Variants in BRIP1 observed in about 807,000 individuals in gnomAD.
BRIP1 encodes the protein Fanconi anemia group J protein.
BRIP1 carries 88 observed loss-of-function variants against 119.7 expected under a neutral mutation model. The observed-to-expected ratio is 0.74, with a 90% CI of 0.62 to 0.88. The LOEUF (loss-of-function observed/expected upper bound fraction) is 0.88, where lower values mean the gene tolerates loss of function less well. Among genes scored for constraint, BRIP1 ranks in the 40% least tolerant of loss-of-function variants. The pLI is 0.00. For missense variants in BRIP1, 1,259 were observed against 1,455.4 expected (o/e 0.87, Z 2.20); for synonymous variants, 443 against 496.5 (o/e 0.89, Z 1.43).
At chr17:61,786,323 A>C (rs2077706569) in intron 10 of BRIP1, among the ~76,000 whole-genome samples, 1 of 151,988 alleles carries the variant, frequency 6.6e-6, no homozygotes, top group African/African-American at 2.4e-5. Context: ...AACTCCAAAG[A>C]AGCAGAACCC....
In BRIP1 at chr17:61,743,229, T is replaced by A. The variant is rs1256816641; in HGVS notation, c.2258-95A>T. The A allele has an allele frequency of 7.1e-7, 1 of 1,406,112 alleles. No individual in the cohort carries two copies. Among genetic ancestry groups the A allele is most frequent in the Non-Finnish European group, 9.9e-7 (1 of 1,007,726 alleles). 87.1% of individuals were successfully genotyped at this position (1,406,112 alleles called of 1,614,324 possible). A position where few individuals can be genotyped will look rare whatever the true frequency, so the allele number is the denominator to read the frequency against. ...TGATTTATAATTATAGTAATTACAG[T>A]AGCAAATTTAAAATAATCAAAATAA... On this transcript the variant is annotated intron_variant, in intron 15 of 19. Coordinates refer to ENST00000259008, the MANE Select transcript of BRIP1 (RefSeq NM_032043.3). The surrounding 1 kb of genome is among the most constrained non-coding windows in gnomAD (Gnocchi z 4.3).
chr17:61,791,223 TCA>T (rs2077810841), intron 10 of BRIP1, among the ~76,000 whole-genome samples: 1 of 152,000 alleles, frequency 6.6e-6, no homozygotes, highest in African/African-American at 2.4e-5. Context: ...GCACGGTGAC[TCA>T]CACCTGTGAG....
rs779629295 is a variant in BRIP1, at chr17:61,857,225, G to A, written c.212C>T (p.Pro71Leu). 4.3e-6 allele frequency: 7 copies of A among 1,612,732 alleles called. No individual in the cohort carries two copies. In the South Asian group the frequency reaches 7.7e-5, roughly 18 times the overall value. ...LAWQQSLSGK[P>L]ADEGVSEKAE... The stretch of plus-strand genomic sequence containing the variant: ...TTTTTCACTTACGCCCTCATCTGCT[G>A]GTTTCCCTAAAAATGAAAGAACATC... The change falls in exon 4 of 20, where the codon CCA becomes CTA. Residue 71 changes from proline to leucine, a missense_variant. By Grantham distance (98) the Pro-to-Leu change is moderately conservative. Transcript: ENST00000259008. The surrounding 1 kb of genome is among the most constrained non-coding windows in gnomAD (Gnocchi z 5.1).
rs1036540316 is a variant in BRIP1 at position 61,725,026 on chromosome 17, T to C, written c.2380-8963A>G. On this transcript the variant is annotated intron_variant, in intron 16 of 19. Transcript: ENST00000259008. This position sits in a 1 kb window ranked among gnomAD's most constrained non-coding sequence, Gnocchi z 5.3. Reference sequence around the variant, plus strand: ...TTAGAATTATAAACTCAGCATAAGATCTTGTATGTGATATAATTTAGCTAG... The same window carrying C: ...TTAGAATTATAAACTCAGCATAAGACCTTGTATGTGATATAATTTAGCTAG... Among the ~76,000 whole-genome samples the C allele has an allele frequency of 6.6e-6, 1 of 152,130 alleles. No homozygotes were observed. Among genetic ancestry groups the C allele is most frequent in the Non-Finnish European group, 1.5e-5 (1 of 68,012 alleles).
rs2078514089 is a variant in BRIP1, at chr17:61,832,884, A to C, written c.627+14217T>G. ...ATGTATAAGAATGTCTTTGCTTATA[A>C]GACATAGACACTAAAGTATTTCAGG... On this transcript the variant is annotated intron_variant, in intron 6 of 19. Coordinates refer to ENST00000259008, the MANE Select transcript of BRIP1 (RefSeq NM_032043.3). This position sits in a 1 kb window ranked among gnomAD's most constrained non-coding sequence, Gnocchi z 5.5. Among the ~76,000 whole-genome samples, 1 of 152,262 alleles carries C rather than the reference A, an allele frequency of 6.6e-6. No individual in the cohort carries two copies. Among genetic ancestry groups the C allele is most frequent in the Non-Finnish European group, 1.5e-5 (1 of 68,046 alleles).
chr17:61,833,658 A>G (rs1009287185), intron 6 of BRIP1, among the ~76,000 whole-genome samples: 6 of 139,098 alleles, frequency 4.3e-5, no homozygotes, highest in Admixed American at 1.5e-4. Flanking sequence ...GTGACAAAGC[A>G]AGACTCCACC....
At chr17:61,715,220 A>G (rs1229250556) in intron 17 of BRIP1, among the ~76,000 whole-genome samples, 4 of 150,912 alleles carry the variant, frequency 2.7e-5, no homozygotes, top group Admixed American at 2.6e-4. Flanking sequence ...TAATAATAAT[A>G]ATTAATTATT....
Position 61,810,841 on chromosome 17 carries a change from C to CT in BRIP1, c.628-2085dup, listed in dbSNP as rs573486423. On this transcript the variant is annotated intron_variant, in intron 6 of 19. Transcript: ENST00000259008. The surrounding 1 kb of genome is among the most constrained non-coding windows in gnomAD (Gnocchi z 4.7). ...CTTCATATATACATATCTTTCATATCTTTTTTTCAAATAGAAAGGGATGCT... is the reference window on the plus strand; with the variant it reads ...CTTCATATATACATATCTTTCATATCTTTTTTTTCAAATAGAAAGGGATGCT... 6.6e-6 allele frequency among the ~76,000 whole-genome samples: 1 copy of CT among 152,000 alleles called. No individual in the cohort carries two copies. The highest frequency in any genetic ancestry group is 1.5e-5 in the Non-Finnish European group (1 of 67,966).
At chr17:61,786,077 GTGA>G (rs1338234558) in intron 10 of BRIP1, among the ~76,000 whole-genome samples, 1 of 152,078 alleles carries the variant, frequency 6.6e-6, no homozygotes, top group East Asian at 1.9e-4. Flanking sequence ...ATACATACAC[GTGA>G]TGATATCCAC....
chr17:61,787,056 T>G (rs1195975526), intron 10 of BRIP1, among the ~76,000 whole-genome samples: 1 of 115,894 alleles, frequency 8.6e-6, no homozygotes, highest in Non-Finnish European at 1.6e-5. Context: ...TTATATAAAT[T>G]TATAAATATA....
At position 61,701,682 on chromosome 17, in the gene BRIP1, G is replaced by A. The variant is rs565572064; in HGVS notation, c.2493-8170C>T. Among the ~76,000 whole-genome samples the A allele has an allele frequency of 6.6e-6, 1 of 152,202 alleles. No homozygotes were observed. Among genetic ancestry groups the A allele is most frequent in the African/African-American group, 2.4e-5 (1 of 41,452 alleles). ...ACTTTAAAAGCTCTCTATGGACATT[G>A]CATTCCTCAGCTTTTCTCTTTACAT... On this transcript the variant is annotated intron_variant, in intron 17 of 19. Transcript: ENST00000259008. The surrounding 1 kb of genome is among the most constrained non-coding windows in gnomAD (Gnocchi z 5.1).
chr17:61,681,172 G>A lies in BRIP1; in HGVS notation c.*2124C>T, dbSNP rs1603273868. ...CTGGGTCCTTCCCACAACACGTCGGGATTATGGGAACTACAATTCAAGATG... is the reference window on the plus strand; with the variant it reads ...CTGGGTCCTTCCCACAACACGTCGGAATTATGGGAACTACAATTCAAGATG... On this transcript the variant is annotated 3_prime_UTR_variant, in exon 20 of 20. Coordinates refer to ENST00000259008, the MANE Select transcript of BRIP1 (RefSeq NM_032043.3). The surrounding 1 kb of genome is among the most constrained non-coding windows in gnomAD (Gnocchi z 5.1). 1 of 194,918 alleles carries A rather than the reference G, an allele frequency of 5.1e-6. No homozygotes were observed. Among genetic ancestry groups the A allele is most frequent in the East Asian group, 8.1e-5 (1 of 12,292 alleles). The allele number at this position is 194,918 out of a possible 1,614,324, so 12.1% of individuals were successfully genotyped here.
intron 11 of BRIP1, among the ~76,000 whole-genome samples, chr17:61,783,350 A>C (rs1184923943): frequency 6.6e-6 from 1 of 152,202 alleles, no homozygotes; most frequent in Non-Finnish European, 1.5e-5. Flanking sequence ...CCTAGAAAGG[A>C]CTTCATAAGA....
At chr17:61,781,602 G>C (rs564284704) in intron 11 of BRIP1, among the ~76,000 whole-genome samples, 1 of 152,056 alleles carries the variant, frequency 6.6e-6, no homozygotes, top group Admixed American at 6.6e-5. Flanking sequence ...CTTTCAATAA[G>C]AATCTAGAAA....
At position 61,722,762 on chromosome 17, in the gene BRIP1, A is replaced by T. The variant is rs1252819257; in HGVS notation, c.2380-6699T>A. 6.6e-6 allele frequency among the ~76,000 whole-genome samples: 1 copy of T among 151,892 alleles called. No individual in the cohort carries two copies. The highest frequency in any genetic ancestry group is 1.5e-5 in the Non-Finnish European group (1 of 67,968). ...AACTATTAGATTAAATAAAATTATGACTCCTTGGTCTTCTATTTTTCATTA... is the reference window on the plus strand; with the variant it reads ...AACTATTAGATTAAATAAAATTATGTCTCCTTGGTCTTCTATTTTTCATTA... On this transcript the variant is annotated intron_variant, in intron 16 of 19. Coordinates refer to ENST00000259008, the MANE Select transcript of BRIP1 (RefSeq NM_032043.3). This position sits in a 1 kb window ranked among gnomAD's most constrained non-coding sequence, Gnocchi z 4.6.
rs2078989190 is a variant in BRIP1 at position 61,862,776 on chromosome 17, A to G, written c.-31+508T>C. Among the ~76,000 whole-genome samples the G allele has an allele frequency of 6.6e-6, 1 of 152,212 alleles. No individual in the cohort carries two copies. The stretch of plus-strand genomic sequence containing the variant: ...AAGAGATGGTTAAAATAGCAATTCA[A>G]TAGATTATGAAGCCAATAATAACAT... On this transcript the variant is annotated intron_variant, in intron 1 of 19. Coordinates refer to ENST00000259008, the MANE Select transcript of BRIP1 (RefSeq NM_032043.3). The surrounding 1 kb of genome is among the most constrained non-coding windows in gnomAD (Gnocchi z 5.3).
At chr17:61,826,917 C>T (rs1423514383) in intron 6 of BRIP1, among the ~76,000 whole-genome samples, 1 of 152,104 alleles carries the variant, frequency 6.6e-6, no homozygotes, top group Non-Finnish European at 1.5e-5. Flanking sequence ...AATCCCATTA[C>T]TGGGTATATA....
Position 61,861,230 on chromosome 17 carries a change from T to C in BRIP1, c.93+217A>G, listed in dbSNP as rs2078968110. 6.6e-6 allele frequency among the ~76,000 whole-genome samples: 1 copy of C among 152,218 alleles called. No homozygotes were observed. The highest frequency in any genetic ancestry group is 2.4e-5 in the African/African-American group (1 of 41,466). ...AAAAGTATAGAAATTCCAAATGAGC[T>C]GAGAACATTTTTCAGAATGTTCTTC... On this transcript the variant is annotated intron_variant, in intron 2 of 19. Transcript: ENST00000259008. This position sits in a 1 kb window ranked among gnomAD's most constrained non-coding sequence, Gnocchi z 4.5.
At position 61,682,546 on chromosome 17, in the gene BRIP1, A is replaced by G. The variant is rs912945745; in HGVS notation, c.*750T>C. On this transcript the variant is annotated 3_prime_UTR_variant, in exon 20 of 20. Transcript: ENST00000259008. The surrounding 1 kb of genome is among the most constrained non-coding windows in gnomAD (Gnocchi z 4.9). ...CTTTCTTAATTTCTCTTAATTACTT[A>G]TAAGTAGGCAGTTTAATAACGAAAT... is the stretch of plus-strand genomic sequence containing the variant. 2 of 196,520 alleles carry G rather than the reference A, an allele frequency of 1.0e-5. No homozygotes were observed. The highest frequency in any genetic ancestry group is 4.6e-5 in the African/African-American group (2 of 43,292). 12.2% of individuals were successfully genotyped at this position (196,520 alleles called of 1,614,324 possible). A position where few individuals can be genotyped will look rare whatever the true frequency, so the allele number is the denominator to read the frequency against.
Sources: allele counts gnomAD v4.1 joint callset (sites outside exome capture counted in the v4.1 genomes callset), GRCh38; gene constraint gnomAD v4.1.1; non-coding constraint Gnocchi (gnomAD v3.1); transcripts MANE v1.5; gene names NCBI Gene and HGNC (gene_info 2026-07-23, HGNC 2026-07-21).